The following PCDHB12 variants were observed in gnomAD, a reference collection of about 807,000 sequenced individuals.
PCDHB12 encodes protocadherin beta-12.
For missense variants in PCDHB12, 1,192 were observed against 998.2 expected, an observed-to-expected ratio of 1.19 and a Z score of -2.62; for synonymous variants, 560 against 445.2, an observed-to-expected ratio of 1.26 and a Z score of -3.24.
Position 141,209,169 on chromosome 5 carries a change from G to A in PCDHB12, c.262G>A (p.Glu88Lys). 3.7e-6 allele frequency: 6 copies of A among 1,614,212 alleles called. No homozygotes were observed. Among genetic ancestry groups the A allele is most frequent in the Non-Finnish European group, 5.1e-6 (6 of 1,180,040 alleles). ...AAACACTGGGGATTTGCTCCTGAGA[G>A]AAATGCTAGACAGGGAGGAGCTCTG... ...DTNTGDLLLREMLDREELCGS... is the reference protein window; with the variant it reads ...DTNTGDLLLRKMLDREELCGS... The change falls in exon 1 of 1, where the codon GAA (glutamate) becomes AAA (lysine). Residue 88 changes from glutamate (E) to lysine (K), a missense_variant. Coordinates refer to ENST00000239450, the MANE Select transcript of PCDHB12 (RefSeq NM_018932.4).
Position 141,210,105 on chromosome 5 carries a change from T to G in PCDHB12, c.1198T>G (p.Tyr400Asp), listed in dbSNP as rs200934336. ...PFVLKSSVNNYYTLETERPLD... is the reference protein window; with the variant it reads ...PFVLKSSVNNDYTLETERPLD... ...CGTGCTAAAATCTTCGGTAAATAAT[T>G]ACTACACTTTGGAAACAGAGAGACC... is the stretch of plus-strand genomic sequence containing the variant. Residue 400 changes from tyrosine (Y) to aspartate (D), a missense_variant, in exon 1 of 1, where the codon TAC becomes GAC. Coordinates refer to ENST00000239450, the MANE Select transcript of PCDHB12 (RefSeq NM_018932.4). The G allele has an allele frequency of 6.2e-6, 10 of 1,613,902 alleles. No homozygotes were observed. Among genetic ancestry groups the G allele is most frequent in the African/African-American group, 1.3e-5 (1 of 74,852 alleles).
Position 141,209,704 on chromosome 5 carries a change from C to G in PCDHB12, c.797C>G (p.Ala266Gly), listed in dbSNP as rs2149678431. 4 of 1,614,178 alleles carry G rather than the reference C, an allele frequency of 2.5e-6. No individual in the cohort carries two copies. In the East Asian group the frequency reaches 8.9e-5, roughly 36 times the overall value. ...GGCTCCCTGGTTGTGACCGTCTCAG[C>G]CTGGGATTTAGACTCTGGAACAAAC... ...ILGSLVVTVS[A>G]WDLDSGTNSE... is the part of the protein sequence containing the mutation. Residue 266 changes from alanine to glycine, a missense_variant, in exon 1 of 1, where the codon GCC becomes GGC. Coordinates refer to ENST00000239450, the MANE Select transcript of PCDHB12 (RefSeq NM_018932.4).
rs1170426765 is a variant in PCDHB12 at position 141,211,535 on chromosome 5, G to A, written c.*240G>A. Reference sequence around the variant, plus strand: ...ATGCTTAATATAAAGTCTATTAAGTGGTAAGTCTTGTTTGAGATATTTTAA... The same window carrying A: ...ATGCTTAATATAAAGTCTATTAAGTAGTAAGTCTTGTTTGAGATATTTTAA... On this transcript the variant is annotated 3_prime_UTR_variant, in exon 1 of 1. Coordinates refer to ENST00000239450, the MANE Select transcript of PCDHB12 (RefSeq NM_018932.4). The A allele has an allele frequency of 3.6e-6, 2 of 560,902 alleles. No individual in the cohort carries two copies. The highest frequency in any genetic ancestry group is 3.8e-5 in the African/African-American group (2 of 52,246). The allele number at this position is 560,902 out of a possible 1,614,324, so 34.7% of individuals were successfully genotyped here. A position where few individuals can be genotyped will look rare whatever the true frequency, so the allele number is the denominator to read the frequency against.
chr5:141,211,164 G>A lies in PCDHB12; in HGVS notation c.2257G>A (p.Val753Met). 1 of 1,614,164 alleles carries A rather than the reference G, an allele frequency of 6.2e-7. No individual in the cohort carries two copies. The highest frequency in any genetic ancestry group is 1.1e-5 in the South Asian group (1 of 91,084). ...GTLSQSYHYEVCVTGGSRSNK... is the reference protein window; with the variant it reads ...GTLSQSYHYEMCVTGGSRSNK... ...CCTGTCCCAGAGCTACCACTATGAG[G>A]TGTGTGTGACTGGAGGCTCCAGGTC... The change falls in exon 1 of 1, where the codon GTG becomes ATG. Residue 753 changes from valine to methionine, a missense_variant. By Grantham distance (21) the Val-to-Met change is conservative. Transcript: ENST00000239450.
rs1359751515 is a variant in PCDHB12, at chr5:141,211,380, G to T, written c.*85G>T. The T allele has an allele frequency of 1.8e-5, 23 of 1,295,974 alleles. No homozygotes were observed. Among genetic ancestry groups the T allele is most frequent in the African/African-American group, 4.5e-5 (3 of 66,068 alleles). 80.3% of individuals were successfully genotyped at this position (1,295,974 alleles called of 1,614,324 possible). A position where few individuals can be genotyped will look rare whatever the true frequency, so the allele number is the denominator to read the frequency against. ...GAGGTGCCTGTAAAGTAGTATTTTT[G>T]ATCACTTCAAATACATACTCTTCAA... On this transcript the variant is annotated 3_prime_UTR_variant, in exon 1 of 1. Transcript: ENST00000239450.
Position 141,209,316 on chromosome 5 carries a change from G to C in PCDHB12, c.409G>C (p.Glu137Gln), listed in dbSNP as rs1277015765. Residue 137 changes from glutamate (E) to glutamine (Q), a missense_variant, in exon 1 of 1, where the codon GAA (glutamate) becomes CAA (glutamine). Coordinates refer to ENST00000239450, the MANE Select transcript of PCDHB12 (RefSeq NM_018932.4). Reference protein sequence around the residue: ...NDHSPVFLEKEMLLEIPENSP... With the variant: ...NDHSPVFLEKQMLLEIPENSP... ...TCACTCTCCCGTCTTCTTGGAAAAA[G>C]AAATGCTCTTAGAAATCCCAGAGAA... 3 of 1,614,094 alleles carry C rather than the reference G, an allele frequency of 1.9e-6. No individual in the cohort carries two copies. Among genetic ancestry groups the C allele is most frequent in the Non-Finnish European group, 2.5e-6 (3 of 1,180,044 alleles).
rs1563976300 is a variant in PCDHB12, at chr5:141,209,182, G to A, written c.275G>A (p.Arg92Lys). The change falls in exon 1 of 1, where the codon AGG becomes AAG. Residue 92 changes from arginine (R) to lysine (K), a missense_variant. By Grantham distance (26) the Arg-to-Lys change is conservative. Coordinates refer to ENST00000239450, the MANE Select transcript of PCDHB12 (RefSeq NM_018932.4). Reference protein sequence around the residue: ...GDLLLREMLDREELCGSNEPC... With the variant: ...GDLLLREMLDKEELCGSNEPC... ...TTGCTCCTGAGAGAAATGCTAGACA[G>A]GGAGGAGCTCTGTGGCTCCAATGAG... 1 of 1,614,192 alleles carries A rather than the reference G, an allele frequency of 6.2e-7. No individual in the cohort carries two copies. The highest frequency in any genetic ancestry group is 8.5e-7 in the Non-Finnish European group (1 of 1,180,036).
In PCDHB12 at chr5:141,209,423, A is replaced by G; in HGVS notation, c.516A>G (p.Ile172Met). The change falls in exon 1 of 1, where the codon ATA becomes ATG. Residue 172 changes from isoleucine (I) to methionine (M), a missense_variant. By Grantham distance (10) the Ile-to-Met change is conservative. Transcript: ENST00000239450. ...TCAATGCTGTAAAAAGCTACACAATAAATCCGAACTCTCATTTCCACGTTA... is the reference window on the plus strand; with the variant it reads ...TCAATGCTGTAAAAAGCTACACAATGAATCCGAACTCTCATTTCCACGTTA... ...VGINAVKSYT[I>M]NPNSHFHVKI... The G allele has an allele frequency of 6.2e-7, 1 of 1,614,202 alleles. No individual in the cohort carries two copies. Among genetic ancestry groups the G allele is most frequent in the East Asian group, 2.2e-5 (1 of 44,874 alleles).
Position 141,210,112 on chromosome 5 carries a change from C to T in PCDHB12, c.1205C>T (p.Thr402Ile), listed in dbSNP as rs1554286809. ...VLKSSVNNYYTLETERPLDRE... is the reference protein window; with the variant it reads ...VLKSSVNNYYILETERPLDRE... ...AAATCTTCGGTAAATAATTACTACA[C>T]TTTGGAAACAGAGAGACCGCTGGAC... is the stretch of plus-strand genomic sequence containing the variant. The change falls in exon 1 of 1, where the codon ACT becomes ATT. Residue 402 changes from threonine to isoleucine, a missense_variant. Coordinates refer to ENST00000239450, the MANE Select transcript of PCDHB12 (RefSeq NM_018932.4). The T allele has an allele frequency of 6.2e-6, 10 of 1,614,176 alleles. 1 individual carries two copies. The highest frequency in any genetic ancestry group is 8.5e-6 in the Non-Finnish European group (10 of 1,180,044).
rs144348491 is a variant in PCDHB12 at position 141,208,860 on chromosome 5, C to T, written c.-48C>T. On this transcript the variant is annotated 5_prime_UTR_variant, in exon 1 of 1. Coordinates refer to ENST00000239450, the MANE Select transcript of PCDHB12 (RefSeq NM_018932.4). ...CACGTTTCCCACAACTGCGAAGAGG[C>T]GCTGAGGCAATTCTGCAAGAAGATT... 5.4e-6 allele frequency: 8 copies of T among 1,481,978 alleles called. No individual in the cohort carries two copies. The highest frequency in any genetic ancestry group is 2.8e-5 in the African/African-American group (2 of 70,982). The allele number at this position is 1,481,978 out of a possible 1,614,324, so 91.8% of individuals were successfully genotyped here. A position where few individuals can be genotyped will look rare whatever the true frequency, so the allele number is the denominator to read the frequency against.
At position 141,209,664 on chromosome 5, in the gene PCDHB12, G is replaced by A. The variant is rs782688861; in HGVS notation, c.757G>A (p.Glu253Lys). Residue 253 changes from glutamate (E) to lysine (K), a missense_variant, in exon 1 of 1, where the codon GAG becomes AAG. Coordinates refer to ENST00000239450, the MANE Select transcript of PCDHB12 (RefSeq NM_018932.4). Reference sequence around the variant, plus strand: ...GGCTTTTTATGAGGTGAAGATTCTGGAGAATAGCATCCTTGGCTCCCTGGT... The same window carrying A: ...GGCTTTTTATGAGGTGAAGATTCTGAAGAATAGCATCCTTGGCTCCCTGGT... ...EQAFYEVKIL[E>K]NSILGSLVVT... 2 of 1,614,176 alleles carry A rather than the reference G, an allele frequency of 1.2e-6. No homozygotes were observed. Among genetic ancestry groups the A allele is most frequent in the South Asian group, 1.1e-5 (1 of 91,086 alleles).
rs540698889 is a variant in PCDHB12, at chr5:141,210,684, G to A, written c.1777G>A (p.Asp593Asn). ...CCTGGTGACCAAGGTGGTGGCGGTGGACGGTGACTCGGGCCAGAACGCCTG... is the reference window on the plus strand; with the variant it reads ...CCTGGTGACCAAGGTGGTGGCGGTGAACGGTGACTCGGGCCAGAACGCCTG... ...GYLVTKVVAV[D>N]GDSGQNAWLS... The change falls in exon 1 of 1, where the codon GAC (aspartate) becomes AAC (asparagine). Residue 593 changes from aspartate (D) to asparagine (N), a missense_variant. By Grantham distance (23) the Asp-to-Asn change is conservative (BLOSUM62 1). Coordinates refer to ENST00000239450, the MANE Select transcript of PCDHB12 (RefSeq NM_018932.4). 6.2e-7 allele frequency: 1 copy of A among 1,610,574 alleles called. No homozygotes were observed. Among genetic ancestry groups the A allele is most frequent in the South Asian group, 1.1e-5 (1 of 90,974 alleles).
At position 141,211,463 on chromosome 5, in the gene PCDHB12, T is replaced by C; in HGVS notation, c.*168T>C. 5 of 776,760 alleles carry C rather than the reference T, an allele frequency of 6.4e-6. No individual in the cohort carries two copies. The highest frequency in any genetic ancestry group is 1.1e-5 in the Non-Finnish European group (5 of 455,634). 48.1% of individuals were successfully genotyped at this position (776,760 alleles called of 1,614,324 possible). ...ATACAGATTTAGTACCAAGAACACT[T>C]CACAAAGCAGGAAATGTGCATGTGT... On this transcript the variant is annotated 3_prime_UTR_variant, in exon 1 of 1. Transcript: ENST00000239450.
At position 141,210,554 on chromosome 5, in the gene PCDHB12, G is replaced by A. The variant is rs782051238; in HGVS notation, c.1647G>A (p.Val549=). 10 of 1,611,690 alleles carry A rather than the reference G, an allele frequency of 6.2e-6. No individual in the cohort carries two copies. The highest frequency in any genetic ancestry group is 3.3e-5 in the Admixed American group (2 of 59,984). Residue 549 remains valine, a synonymous_variant, in exon 1 of 1, where the codon GTG becomes GTA. Transcript: ENST00000239450. ...PALSSEALVR[V]LVLDANDNSP... ...TGAGCAGCGAGGCGCTGGTGCGCGT[G>A]CTGGTGCTGGACGCCAACGACAACT... is the stretch of plus-strand genomic sequence containing the variant.
chr5:141,211,600 T>C lies in PCDHB12; in HGVS notation c.*305T>C. The C allele has an allele frequency of 5.2e-6, 2 of 384,242 alleles. No individual in the cohort carries two copies. 23.8% of individuals were successfully genotyped at this position (384,242 alleles called of 1,614,324 possible). A position where few individuals can be genotyped will look rare whatever the true frequency, so the allele number is the denominator to read the frequency against. Reference sequence around the variant, plus strand: ...TTTTCAATATTTACTGTGACTTTTGTTTTCTGAGTTGATTAGAATGCTGTT... The same window carrying C: ...TTTTCAATATTTACTGTGACTTTTGCTTTCTGAGTTGATTAGAATGCTGTT... On this transcript the variant is annotated 3_prime_UTR_variant, in exon 1 of 1. Transcript: ENST00000239450.
chr5:141,208,781 T>C lies in PCDHB12; in HGVS notation c.-127T>C, dbSNP rs1754356081. The C allele has an allele frequency of 1.3e-6, 1 of 783,080 alleles. No individual in the cohort carries two copies. Among genetic ancestry groups the C allele is most frequent in the East Asian group, 2.7e-5 (1 of 37,566 alleles). The allele number at this position is 783,080 out of a possible 1,614,324, so 48.5% of individuals were successfully genotyped here. A position where few individuals can be genotyped will look rare whatever the true frequency, so the allele number is the denominator to read the frequency against. ...CCTTTAAGGGAGAACCTAGAAGCCA[T>C]TCAACAAGGTTAAAATCTTCAGGCT... On this transcript the variant is annotated 5_prime_UTR_variant, in exon 1 of 1. Transcript: ENST00000239450.
rs781790409 is a variant in PCDHB12, at chr5:141,210,515, C to G, written c.1608C>G (p.His536Gln). 14 of 1,612,100 alleles carry G rather than the reference C, an allele frequency of 8.7e-6. No individual in the cohort carries two copies. Among genetic ancestry groups the G allele is most frequent in the Non-Finnish European group, 1.2e-5 (14 of 1,179,814 alleles). ...GFQFRVGATD[H>Q]GSPALSSEAL... Reference sequence around the variant, plus strand: ...AGTTCCGCGTGGGCGCCACAGACCACGGCTCCCCGGCTTTGAGCAGCGAGG... The same window carrying G: ...AGTTCCGCGTGGGCGCCACAGACCAGGGCTCCCCGGCTTTGAGCAGCGAGG... The change falls in exon 1 of 1, where the codon CAC (histidine) becomes CAG (glutamine). Residue 536 changes from histidine (H) to glutamine (Q), a missense_variant. Transcript: ENST00000239450.
chr5:141,209,041 T>C lies in PCDHB12; in HGVS notation c.134T>C (p.Val45Ala). The C allele has an allele frequency of 6.2e-7, 1 of 1,611,392 alleles. No homozygotes were observed. The highest frequency in any genetic ancestry group is 1.7e-5 in the Admixed American group (1 of 59,622). ...GAGGAATTGCAGAGCGGGAGCTTTG[T>C]AGGAAATTTGGCAAAGACCCTGGGA... Reference protein sequence around the residue: ...VMEELQSGSFVGNLAKTLGLE... With the variant: ...VMEELQSGSFAGNLAKTLGLE... Residue 45 changes from valine (V) to alanine (A), a missense_variant, in exon 1 of 1, where the codon GTA becomes GCA. By Grantham distance (64) the Val-to-Ala change is moderately conservative. Transcript: ENST00000239450.
rs1554286888 is a variant in PCDHB12, at chr5:141,210,291, G to C, written c.1384G>C (p.Glu462Gln). 8 of 1,613,742 alleles carry C rather than the reference G, an allele frequency of 5.0e-6. No homozygotes were observed. The highest frequency in any genetic ancestry group is 1.1e-5 in the South Asian group (1 of 91,058). ...TQTSYALFVRENNSPALHIGS... is the reference protein window; with the variant it reads ...TQTSYALFVRQNNSPALHIGS... The stretch of plus-strand genomic sequence containing the variant: ...AACTTCCTACGCCCTGTTCGTCCGC[G>C]AGAACAACAGCCCCGCCCTGCACAT... Residue 462 changes from glutamate to glutamine, a missense_variant, in exon 1 of 1, where the codon GAG becomes CAG. By Grantham distance (29) the Glu-to-Gln change is conservative. Transcript: ENST00000239450.
Sources: allele counts gnomAD v4.1 joint callset, GRCh38; gene constraint gnomAD v4.1.1; transcripts MANE v1.5; gene names NCBI Gene and HGNC (gene_info 2026-07-23, HGNC 2026-07-21).